MYO5C: variants seen among roughly 807,000 people sequenced by gnomAD.
MYO5C encodes the protein unconventional myosin-Vc.
MYO5C carries 194 observed loss-of-function variants against 235.7 expected under a neutral mutation model. The observed-to-expected ratio is 0.82, with a 90% CI of 0.73 to 0.93. MYO5C has a LOEUF of 0.93. Among genes scored for constraint, MYO5C ranks in the 40% least tolerant of loss-of-function variants. The pLI is 0.00. For missense variants in MYO5C, 2,038 were observed against 2,127.2 expected (o/e 0.96, Z 0.82); for synonymous variants, 707 against 754.8 (o/e 0.94, Z 1.04).
chr15:52,234,836 C>T (rs1393037778), intron 23 of MYO5C, among the ~76,000 whole-genome samples: 8 of 152,188 alleles, frequency 5.3e-5, no homozygotes, highest in Admixed American at 4.6e-4. Flanking sequence ...CCTCTGGGCC[C>T]CATCATATCC....
rs772298635 is a variant in MYO5C at position 52,247,433 on chromosome 15, T to A, written c.1881+25A>T. 4 of 1,612,358 alleles carry A rather than the reference T, an allele frequency of 2.5e-6. No individual in the cohort carries two copies. The Admixed American group carries it at 6.7e-5, about 27-fold the overall frequency. ...GGGCCTGGCCCTGCCTTTAGACCCCTCACTCTCAAACACCTTCTCAGTACC... is the reference window on the plus strand; with the variant it reads ...GGGCCTGGCCCTGCCTTTAGACCCCACACTCTCAAACACCTTCTCAGTACC... On this transcript the variant is annotated intron_variant, in intron 15 of 40. Transcript: ENST00000261839.
intron 36 of MYO5C, among the ~76,000 whole-genome samples, chr15:52,206,753 C>T (rs778151157): frequency 1.3e-5 from 2 of 152,080 alleles, no homozygotes; most frequent in African/African-American, 2.4e-5. Context: ...ACCCAGCCTG[C>T]GGTATTTTGT....
intron 9 of MYO5C, among the ~76,000 whole-genome samples, chr15:52,263,836 C>T (rs2036744126): frequency 6.6e-6 from 1 of 152,146 alleles, no homozygotes; most frequent in South Asian, 2.1e-4. Flanking sequence ...CTTGTTGTGT[C>T]TCCTCCCTAC....
At chr15:52,257,804 C>G (rs2036614338) in intron 10 of MYO5C, among the ~76,000 whole-genome samples, 1 of 152,220 alleles carries the variant, frequency 6.6e-6, no homozygotes, top group Non-Finnish European at 1.5e-5. Context: ...CTTAATCGCT[C>G]TAATCCTGAG....
At chr15:52,287,690 G>A (rs1303928321) in intron 1 of MYO5C, among the ~76,000 whole-genome samples, 3 of 152,172 alleles carry the variant, frequency 2.0e-5, no homozygotes. Context: ...TCAAAAGGAA[G>A]TTCTGGCCAG....
intron 6 of MYO5C, 22 bp downstream of exon 6, chr15:52,272,558 G>T: frequency 2.5e-6 from 4 of 1,609,334 alleles, no homozygotes; most frequent in Non-Finnish European, 3.4e-6. Flanking sequence ...AAAAGTTGGG[G>T]AAAAGGAAAT....
In MYO5C at chr15:52,237,553, G is replaced by A. The variant is rs746396350; in HGVS notation, c.2797C>T (p.Leu933=). The A allele has an allele frequency of 3.7e-6, 6 of 1,613,950 alleles. No homozygotes were observed. The African/African-American group carries it at 6.7e-5, about 18-fold the overall frequency. Residue 933 remains leucine (L), a synonymous_variant, in exon 22 of 41, where the codon CTA becomes TTA. Coordinates refer to ENST00000261839, the MANE Select transcript of MYO5C (RefSeq NM_018728.4). ...VEKIQKLEAE[L]EKAATHRRNY... is the part of the protein sequence containing the mutation. ...CGCCTGTGAGTGGCTGCTTTTTCTA[G>A]TTCTGCTTCCAGCTTCTGAATCTTT...
rs2278295 is a variant in MYO5C, at chr15:52,211,945, T to C, written c.4142-61A>G. The C allele has an allele frequency of 0.64, 1,000,094 of 1,556,024 alleles. 337,127 individuals carry two copies. The highest frequency in any genetic ancestry group is 0.71 in the Non-Finnish European group (810,047 of 1,147,152). On this transcript the variant is annotated intron_variant, in intron 34 of 40. Coordinates refer to ENST00000261839, the MANE Select transcript of MYO5C (RefSeq NM_018728.4). ...CAGGTCAGCTCTTCTCCTAAGGAAC[T>C]TGTGACTAGGGGCAGGGGCTTGTTT...
chr15:52,253,518 C>T, intron 11 of MYO5C, 61 bp from the exon 12 acceptor site: 2 of 1,482,752 alleles, frequency 1.3e-6, no homozygotes, highest in Non-Finnish European at 1.9e-6. Context: ...TTCCAAAGAG[C>T]AGGATGTAAG....
intron 13 of MYO5C, among the ~76,000 whole-genome samples, chr15:52,249,223 C>T (rs1186880020): frequency 6.6e-6 from 1 of 152,192 alleles, no homozygotes; most frequent in Non-Finnish European, 1.5e-5. Context: ...GACCAGCTGA[C>T]CACCAAGCCT....
intron 7 of MYO5C, 138 bp from the exon 8 acceptor site, chr15:52,269,998 T>G: frequency 4.7e-6 from 3 of 635,306 alleles, no homozygotes; most frequent in African/African-American, 1.8e-5. Flanking sequence ...TCCTTAGAAC[T>G]CTGCATTACA....
rs772999473 is a variant in MYO5C at position 52,196,353 on chromosome 15, C to T, written c.4951G>A (p.Ala1651Thr). ...GTGCAGCGTTCGTAGATCTCCTTGGCATCACTGTCTGTGGTCTTCTTGACC... is the reference window on the plus strand; with the variant it reads ...GTGCAGCGTTCGTAGATCTCCTTGGTATCACTGTCTGTGGTCTTCTTGACC... ...LQVKKTTDSD[A>T]KEIYERCTSL... Residue 1651 changes from alanine to threonine, a missense_variant, in exon 39 of 41, where the codon GCC (alanine) becomes ACC (threonine). Physicochemically the swap from Ala to Thr is moderately conservative, Grantham distance 58. Coordinates refer to ENST00000261839, the MANE Select transcript of MYO5C (RefSeq NM_018728.4). 1.2e-6 allele frequency: 2 copies of T among 1,613,930 alleles called. No individual in the cohort carries two copies. The highest frequency in any genetic ancestry group is 1.7e-6 in the Non-Finnish European group (2 of 1,179,974).
Position 52,275,463 on chromosome 15 carries a change from T to C in MYO5C, c.606+99A>G, listed in dbSNP as rs987281976. ...CTTTCCTGCCCTCACTTCTTTAGTC[T>C]TTAAAGGGTGGGAACTTGAATTAGC... On this transcript the variant is annotated intron_variant, in intron 5 of 40. Transcript: ENST00000261839. The C allele has an allele frequency of 2.0e-6, 3 of 1,479,660 alleles. No individual in the cohort carries two copies. In the African/African-American group the frequency reaches 4.1e-5, roughly 20 times the overall value. The allele number at this position is 1,479,660 out of a possible 1,614,324, so 91.7% of individuals were successfully genotyped here.
At chr15:52,295,527 T>A (rs1041129931) in intron 1 of MYO5C, 83 bp downstream of exon 1, 1 of 1,438,316 alleles carries the variant, frequency 7.0e-7, no homozygotes, top group African/African-American at 1.5e-5. Flanking sequence ...GTGTGGCAGG[T>A]GTGGCCCGGG....
At chr15:52,244,656 G>C (rs1397752809) in intron 18 of MYO5C, 89 bp from the exon 19 acceptor site, 1 of 878,768 alleles carries the variant, frequency 1.1e-6, no homozygotes, top group Non-Finnish European at 1.7e-6. Context: ...GGATTCAAAG[G>C]TGCCAGAAAT....
At chr15:52,201,450 G>T (rs946137607) in intron 38 of MYO5C, among the ~76,000 whole-genome samples, 1 of 152,162 alleles carries the variant, frequency 6.6e-6, no homozygotes. Context: ...AGGAATAAAG[G>T]TAAAGTGAAG....
In MYO5C at chr15:52,295,662, G is replaced by T; in HGVS notation, c.-26C>A. The T allele has an allele frequency of 7.1e-7, 1 of 1,417,160 alleles. No individual in the cohort carries two copies. Among genetic ancestry groups the T allele is most frequent in the Non-Finnish European group, 9.2e-7 (1 of 1,086,604 alleles). 87.8% of individuals were successfully genotyped at this position (1,417,160 alleles called of 1,614,324 possible). ...GGGCAGGAGGGGCCGGGGCCAGGCC[G>T]GGGCTGCCGAACGTGCGAGGCTCGG... On this transcript the variant is annotated 5_prime_UTR_variant, in exon 1 of 41. Coordinates refer to ENST00000261839, the MANE Select transcript of MYO5C (RefSeq NM_018728.4).
intron 10 of MYO5C, among the ~76,000 whole-genome samples, chr15:52,260,211 C>T (rs1005950919): frequency 6.6e-6 from 1 of 152,192 alleles, no homozygotes; most frequent in Non-Finnish European, 1.5e-5. Flanking sequence ...GAAAAAGAAC[C>T]CAACTCCAGG....
chr15:52,198,299 T>C (rs1391761237), intron 38 of MYO5C, among the ~76,000 whole-genome samples: 1 of 152,118 alleles, frequency 6.6e-6, no homozygotes, highest in East Asian at 1.9e-4. Flanking sequence ...TGCACCACTG[T>C]AGTTCAGCCT....
Sources: gnomAD v4.1 joint callset for allele counts (sites outside exome capture counted in the v4.1 genomes callset) on GRCh38, gnomAD v4.1.1 for gene constraint, MANE v1.5 for transcripts, NCBI Gene and HGNC (gene_info 2026-07-23, HGNC 2026-07-21) for gene names.